Variants in PRMT8 observed in about 807,000 individuals in gnomAD.
PRMT8 encodes protein arginine methyltransferase 8, also known as protein arginine N-methyltransferase 8.
Under a neutral mutation model 47.1 loss-of-function variants are expected in PRMT8, and 7 were observed. That is an observed-to-expected ratio of 0.15 (90% CI 0.08 to 0.28). PRMT8 has a LOEUF of 0.28. Ranked by LOEUF, PRMT8 falls within the 10% of genes least tolerant of loss-of-function variation. PRMT8 has a pLI of 1.00. For synonymous variants in PRMT8, 188 were observed against 186.5 expected (o/e 1.01, Z -0.07); for missense variants, 237 against 505.4 (o/e 0.47, Z 5.09).
At chr12:3,476,967 C>T (rs1164502755) in intron 1 of PRMT8, among the ~76,000 whole-genome samples, 2 of 152,172 alleles carry the variant, frequency 1.3e-5, no homozygotes, top group Non-Finnish European at 2.9e-5. Context: ...AATCCGTATC[C>T]TGCACTGTTT....
chr12:3,437,622 C>CTATA (rs57504454), intron 1 of PRMT8, among the ~76,000 whole-genome samples: 4,196 of 142,650 alleles, frequency 0.029, 70 homozygotes, highest in African/African-American at 0.045. Flanking sequence ...TGCATTCAGG[C>CTATA]TATATATATA....
At position 3,583,001 on chromosome 12, in the gene PRMT8, G is replaced by T. The variant is rs1867099021; in HGVS notation, c.829-57G>T. The T allele has an allele frequency of 6.3e-7, 1 of 1,582,372 alleles. No homozygotes were observed. The highest frequency in any genetic ancestry group is 1.2e-5 in the South Asian group (1 of 86,174). On this transcript the variant is annotated intron_variant, in intron 7 of 9. Coordinates refer to ENST00000382622, the MANE Select transcript of PRMT8 (RefSeq NM_019854.5). This position sits in a 1 kb window ranked among gnomAD's most constrained non-coding sequence, Gnocchi z 4.7. The stretch of plus-strand genomic sequence containing the variant: ...CTCACAGAACGAGGCTGCTGACCGG[G>T]ACCCAGACTTGGTGGAGGCGATAAG...
chr12:3,550,310 C>T lies in PRMT8; in HGVS notation c.417+219C>T, dbSNP rs17769657. 30,652 of 529,042 alleles carry T rather than the reference C, an allele frequency of 0.058. 1,090 individuals are homozygous for T. The highest frequency in any genetic ancestry group is 0.12 in the Middle Eastern group (237 of 1,978). 32.8% of individuals were successfully genotyped at this position (529,042 alleles called of 1,614,324 possible). ...GGATCCTTACAACCACTGACATTTG[C>T]GGAGGAACTGTGGCTTTCCTGAGAC... is the stretch of plus-strand genomic sequence containing the variant. On this transcript the variant is annotated intron_variant, in intron 3 of 9. Transcript: ENST00000382622. This position sits in a 1 kb window ranked among gnomAD's most constrained non-coding sequence, Gnocchi z 5.1.
At chr12:3,447,921 T>C (rs560651560) in intron 1 of PRMT8, among the ~76,000 whole-genome samples, 6 of 152,302 alleles carry the variant, frequency 3.9e-5, no homozygotes, top group Non-Finnish European at 8.8e-5. Context: ...GCAGGGAGGC[T>C]TAGCACACTG....
At position 3,493,814 on chromosome 12, in the gene PRMT8, C is replaced by T. The variant is rs531012026; in HGVS notation, c.75+2114C>T. 3.9e-5 allele frequency among the ~76,000 whole-genome samples: 6 copies of T among 152,342 alleles called. No homozygotes were observed. The South Asian group carries it at 8.3e-4, about 21-fold the overall frequency. On this transcript the variant is annotated intron_variant, in intron 1 of 9. Transcript: ENST00000382622. This position sits in a 1 kb window ranked among gnomAD's most constrained non-coding sequence, Gnocchi z 8.2. ...AACAAAACAAACAAACAAAAAACCA[C>T]GTCGCGTGCGGGGCACCAAGGCGGT...
chr12:3,591,703 AG>A (rs1347767490), intron 8 of PRMT8, among the ~76,000 whole-genome samples: 1 of 152,086 alleles, frequency 6.6e-6, no homozygotes, highest in Non-Finnish European at 1.5e-5. Flanking sequence ...CAGCAGGAAA[AG>A]CTAGTTGTAA....
chr12:3,573,486 G>T (rs1299541644), intron 6 of PRMT8, among the ~76,000 whole-genome samples: 1 of 152,078 alleles, frequency 6.6e-6, no homozygotes, highest in Non-Finnish European at 1.5e-5. Flanking sequence ...TTGGTTCTAT[G>T]ACTTTTTTCT....
At chr12:3,458,960 G>T (rs1482146355) in intron 1 of PRMT8, among the ~76,000 whole-genome samples, 1 of 152,198 alleles carries the variant, frequency 6.6e-6, no homozygotes, top group Non-Finnish European at 1.5e-5. Context: ...CATCGGGTTG[G>T]CACTTGTCCA....
At chr12:3,414,367 G>A (rs533682087) in intron 1 of PRMT8, among the ~76,000 whole-genome samples, 2 of 152,312 alleles carry the variant, frequency 1.3e-5, no homozygotes, top group South Asian at 4.1e-4. Flanking sequence ...ACACCTGCTG[G>A]TGTCCTCCAG....
At chr12:3,465,276 T>A (rs1170389233) in intron 1 of PRMT8, among the ~76,000 whole-genome samples, 2 of 143,662 alleles carry the variant, frequency 1.4e-5, no homozygotes, top group African/African-American at 5.1e-5. Flanking sequence ...TTTATAAAAA[T>A]AAAAAATATA....
intron 1 of PRMT8, among the ~76,000 whole-genome samples, chr12:3,517,562 A>G (rs1391512151): frequency 2.0e-5 from 3 of 152,142 alleles, no homozygotes; most frequent in Non-Finnish European, 2.9e-5. Flanking sequence ...GTGGTTGGGC[A>G]TCTTTGGAGG....
intron 1 of PRMT8, among the ~76,000 whole-genome samples, chr12:3,415,456 C>A (rs1020116691): frequency 6.6e-6 from 1 of 152,204 alleles, no homozygotes; most frequent in African/African-American, 2.4e-5. Flanking sequence ...ACCCTCTAAT[C>A]CTGTCTTGGT....
rs551628853 is a variant in PRMT8, at chr12:3,590,870, C to T, written c.980-1361C>T. Among the ~76,000 whole-genome samples the T allele has an allele frequency of 2.2e-4, 34 of 152,190 alleles. 1 individual carries two copies. The highest frequency in any genetic ancestry group is 6.2e-4 in the South Asian group (3 of 4,806). ...ATCTACCAAGCACAGAGGCAGGCAC[C>T]GAGGAAGCAAGGCTGGCCCGGTCCC... is the stretch of plus-strand genomic sequence containing the variant. On this transcript the variant is annotated intron_variant, in intron 8 of 9. Coordinates refer to ENST00000382622, the MANE Select transcript of PRMT8 (RefSeq NM_019854.5).
intron 1 of PRMT8, among the ~76,000 whole-genome samples, chr12:3,434,890 C>T (rs1364612091): frequency 2.0e-5 from 3 of 151,690 alleles, no homozygotes; most frequent in African/African-American, 7.3e-5. Context: ...CTTGTGGCTC[C>T]ATAGACGCCC....
chr12:3,467,133 G>A (rs993393361), intron 1 of PRMT8, among the ~76,000 whole-genome samples: 5 of 151,340 alleles, frequency 3.3e-5, no homozygotes, highest in South Asian at 2.1e-4. Context: ...CCAGCTACTC[G>A]GGAGGCTGAG....
chr12:3,542,775 C>T (rs1866254234), intron 2 of PRMT8, among the ~76,000 whole-genome samples: 1 of 152,220 alleles, frequency 6.6e-6, no homozygotes, highest in Non-Finnish European at 1.5e-5. Context: ...ACACCTTTGG[C>T]GTTTAGAGTG....
intron 1 of PRMT8, among the ~76,000 whole-genome samples, chr12:3,525,213 C>T (rs1177112996): frequency 6.6e-6 from 1 of 151,874 alleles, no homozygotes; most frequent in East Asian, 1.9e-4. Flanking sequence ...CAGAGTGAGA[C>T]TCTGTCTCAA....
chr12:3,394,944 G>C (rs1453142651), intron 1 of PRMT8, among the ~76,000 whole-genome samples: 1 of 151,970 alleles, frequency 6.6e-6, no homozygotes, highest in East Asian at 1.9e-4. Context: ...TCTTGGGAGA[G>C]TGTATGTGTC....
chr12:3,430,815 G>A (rs1864667340), intron 1 of PRMT8, among the ~76,000 whole-genome samples: 1 of 152,208 alleles, frequency 6.6e-6, no homozygotes, highest in East Asian at 1.9e-4. Context: ...TAAGGCCCAG[G>A]CACTATGATA....
Sources: allele counts gnomAD v4.1 joint callset (sites outside exome capture counted in the v4.1 genomes callset), GRCh38; gene constraint gnomAD v4.1.1; non-coding constraint Gnocchi (gnomAD v3.1); transcripts MANE v1.5; gene names NCBI Gene and HGNC (gene_info 2026-07-23, HGNC 2026-07-21).